CNN1: variants seen among roughly 807,000 people sequenced by gnomAD.
The protein encoded by CNN1 is calponin-1.
CNN1 carries 21 observed loss-of-function variants against 35.3 expected under a neutral mutation model. The ratio of observed to expected loss-of-function variants is 0.60; its 90% CI spans 0.42 to 0.86. The LOEUF is 0.86. Ranked by LOEUF, CNN1 falls within the 40% of genes least tolerant of loss-of-function variation. The pLI, the probability that CNN1 is intolerant of heterozygous loss-of-function variation, is 0.00. For synonymous variants in CNN1, 164 were observed against 161.8 expected, an observed-to-expected ratio of 1.01 and a Z score of -0.10; for missense variants, 314 against 400.8, an observed-to-expected ratio of 0.78 and a Z score of 1.85.
chr19:11,539,642 T>G (rs13347094), intron 1 of CNN1: 81,954 of 714,206 alleles, frequency 0.11, 13,600 homozygotes, highest in African/African-American at 0.64. Context: ...TGGAGAACTT[T>G]AAGTTTCCAG....
At position 11,541,167 on chromosome 19, in the gene CNN1, A is replaced by G. The variant is rs1355161127; in HGVS notation, c.155A>G (p.Asp52Gly). The G allele has an allele frequency of 3.7e-5, 60 of 1,600,812 alleles. No homozygotes were observed. Among genetic ancestry groups the G allele is most frequent in the Non-Finnish European group, 5.1e-5 (60 of 1,173,118 alleles). The change falls in exon 2 of 7, where the codon GAC (aspartate) becomes GGC (glycine). Residue 52 changes from aspartate (D) to glycine (G), a missense_variant. Physicochemically the swap from Asp to Gly is moderately conservative, Grantham distance 94 (BLOSUM62 -1). Transcript: ENST00000252456. ...CGTCGCATCGGCAACAACTTCATGGACGGCCTCAAAGATGGCATCATTCTT... is the reference window on the plus strand; with the variant it reads ...CGTCGCATCGGCAACAACTTCATGGGCGGCCTCAAAGATGGCATCATTCTT... ...TGRRIGNNFM[D>G]GLKDGIILCE...
At position 11,538,963 on chromosome 19, in the gene CNN1, C is replaced by A; in HGVS notation, c.36C>A (p.Tyr12Ter). The A allele has an allele frequency of 6.3e-7, 1 of 1,595,116 alleles. No homozygotes were observed. Among genetic ancestry groups the A allele is most frequent in the Non-Finnish European group, 8.6e-7 (1 of 1,169,284 alleles). ...CTCACTTCAACCGAGGCCCTGCCTA[C>A]GGGCTGTCAGCCGAGGTTAAGAACA... ...SSAHFNRGPA[Y>*]GLSAEVKNKL... Residue 12 changes from tyrosine (Y) to a stop codon, truncating the protein, a stop_gained, in exon 1 of 7, where the codon TAC becomes TAA. Transcript: ENST00000252456. LOFTEE classifies it high-confidence loss of function.
At chr19:11,539,495 C>T in intron 1 of CNN1, 1 of 1,130,228 alleles carries the variant, frequency 8.8e-7, no homozygotes, top group Non-Finnish European at 1.1e-6. Flanking sequence ...TACCTGGACA[C>T]CACCTTCATG....
rs770410752 is a variant in CNN1 at position 11,549,588 on chromosome 19, C to T, written c.687C>T (p.Phe229=). ...MTAPGTKRQI[F]EPGLGMEHCD... ...CGCCAGGGACCAAGCGGCAGATCTT[C>T]GAGCCGGGGCTGGGCATGGAGCACT... Residue 229 remains phenylalanine (F), a synonymous_variant, in exon 7 of 7, where the codon TTC becomes TTT. Coordinates refer to ENST00000252456, the MANE Select transcript of CNN1 (RefSeq NM_001299.6). The surrounding 1 kb of genome is among the most constrained non-coding windows in gnomAD (Gnocchi z 5.2). The T allele has an allele frequency of 3.2e-5, 51 of 1,602,884 alleles. No homozygotes were observed. Among genetic ancestry groups the T allele is most frequent in the Non-Finnish European group, 2.0e-5 (23 of 1,171,862 alleles).
chr19:11,539,843 G>C, intron 1 of CNN1: 1 of 1,177,512 alleles, frequency 8.5e-7, no homozygotes, highest in Non-Finnish European at 1.1e-6. Context: ...CCTCGGGCGA[G>C]AGACAGATCC....
chr19:11,540,042 A>G, intron 1 of CNN1: 2 of 1,023,924 alleles, frequency 2.0e-6, no homozygotes, highest in Non-Finnish European at 2.4e-6. Context: ...CGCCCCTCCC[A>G]CCTCCCCCCA....
intron 2 of CNN1, among the ~76,000 whole-genome samples, chr19:11,542,393 A>T (rs1175302901): frequency 6.6e-6 from 1 of 150,560 alleles, no homozygotes; most frequent in African/African-American, 2.4e-5. Flanking sequence ...GGATTTTGCC[A>T]TGTTGGCCTG....
chr19:11,542,795 C>T (rs1442450683), intron 2 of CNN1, among the ~76,000 whole-genome samples: 3 of 151,970 alleles, frequency 2.0e-5, no homozygotes, highest in Non-Finnish European at 2.9e-5. Flanking sequence ...AGGCTGGTCT[C>T]GAACCCCTGA....
intron 1 of CNN1, 144 bp downstream of exon 1, chr19:11,539,134 TG>T: frequency 9.4e-7 from 1 of 1,068,832 alleles, no homozygotes; most frequent in Non-Finnish European, 1.3e-6. Context: ...GGATAGGGGC[TG>T]CCTGTCTCCC....
In CNN1 at chr19:11,549,624, C is replaced by T; in HGVS notation, c.723C>T (p.Leu241=). The change falls in exon 7 of 7, where the codon CTC becomes CTT. Residue 241 remains leucine, a synonymous_variant. Transcript: ENST00000252456. This position sits in a 1 kb window ranked among gnomAD's most constrained non-coding sequence, Gnocchi z 5.2. ...TGGGCATGGAGCACTGCGACACGCT[C>T]AATGTCAGCCTGCAGATGGGCAGCA... ...PGLGMEHCDT[L]NVSLQMGSNK... The T allele has an allele frequency of 6.2e-7, 1 of 1,613,042 alleles. No homozygotes were observed. Among genetic ancestry groups the T allele is most frequent in the Non-Finnish European group, 8.5e-7 (1 of 1,179,316 alleles).
chr19:11,541,901 T>G (rs931091357), intron 2 of CNN1: 3 of 103,096 alleles, frequency 2.9e-5, no homozygotes, highest in South Asian at 2.9e-4. Flanking sequence ...TTAATTTTTG[T>G]TTTTTTTTTT....
chr19:11,549,796 G>A lies in CNN1; in HGVS notation c.*1G>A, dbSNP rs1433572316. 1.6e-5 allele frequency: 26 copies of A among 1,595,866 alleles called. No homozygotes were observed. Among genetic ancestry groups the A allele is most frequent in the Non-Finnish European group, 2.1e-5 (25 of 1,167,272 alleles). On this transcript the variant is annotated 3_prime_UTR_variant, in exon 7 of 7. Transcript: ENST00000252456. This position sits in a 1 kb window ranked among gnomAD's most constrained non-coding sequence, Gnocchi z 5.2. ...ACACAACTACTACAATTCCGCCTAG[G>A]GCCACAAGGCCTTCCCTGTTTTCCC...
intron 1 of CNN1, chr19:11,539,656 A>G: frequency 1.5e-6 from 1 of 680,118 alleles, no homozygotes; most frequent in Non-Finnish European, 2.3e-6. Context: ...TTTCCAGCCC[A>G]CTGGAATCGC....
In CNN1 at chr19:11,545,983, AAAAG is replaced by A. The variant is rs1280208652; in HGVS notation, c.186-688_186-685del. Reference sequence around the variant, plus strand: ...CCTGCATCAAAAAGAAAAAAAAAAGAAAAGAAAAGAAAAAAGAGGCGAGATCATT... The same window carrying A: ...CCTGCATCAAAAAGAAAAAAAAAAGAAAAAGAAAAAAGAGGCGAGATCATT... On this transcript the variant is annotated intron_variant, in intron 2 of 6. Coordinates refer to ENST00000252456, the MANE Select transcript of CNN1 (RefSeq NM_001299.6). 2.0e-5 allele frequency among the ~76,000 whole-genome samples: 3 copies of A among 152,052 alleles called. No homozygotes were observed. In the East Asian group the frequency reaches 5.8e-4, roughly 29 times the overall value.
chr19:11,539,366 T>C, intron 1 of CNN1: 1 of 1,075,500 alleles, frequency 9.3e-7, no homozygotes, highest in Non-Finnish European at 1.1e-6. Context: ...AGTGCTGGGG[T>C]ACCTGGGAAG....
At position 11,539,529 on chromosome 19, in the gene CNN1, C is replaced by T. The variant is rs888080480; in HGVS notation, c.63+539C>T. ...TGCTATGGTTGGGTAAACTGAGGTT[C>T]GGAGAGGAGAGGCAAATAGCTGGGG... On this transcript the variant is annotated intron_variant, in intron 1 of 6. Transcript: ENST00000252456. The T allele has an allele frequency of 2.6e-4, 293 of 1,134,578 alleles. 3 individuals carry two copies. Among genetic ancestry groups the T allele is most frequent in the Middle Eastern group, 3.2e-4 (1 of 3,152 alleles). 70.3% of individuals were successfully genotyped at this position (1,134,578 alleles called of 1,614,324 possible). A position where few individuals can be genotyped will look rare whatever the true frequency, so the allele number is the denominator to read the frequency against.
chr19:11,547,874 G>A lies in CNN1; in HGVS notation c.468G>A (p.Lys156=). 6.2e-7 allele frequency: 1 copy of A among 1,614,080 alleles called. No individual in the cohort carries two copies. The highest frequency in any genetic ancestry group is 8.5e-7 in the Non-Finnish European group (1 of 1,179,972). ...AGGAGCGGAAATTCGAGCCGGGGAAGCTAAGAGAAGGGCGGAACATCATTG... is the reference window on the plus strand; with the variant it reads ...AGGAGCGGAAATTCGAGCCGGGGAAACTAAGAGAAGGGCGGAACATCATTG... ...EKQERKFEPG[K]LREGRNIIGL... Residue 156 remains lysine, a synonymous_variant, in exon 5 of 7, where the codon AAG becomes AAA. Coordinates refer to ENST00000252456, the MANE Select transcript of CNN1 (RefSeq NM_001299.6).
intron 2 of CNN1, 85 bp downstream of exon 2, chr19:11,541,282 G>T: frequency 1.4e-6 from 2 of 1,442,708 alleles, no homozygotes; most frequent in Non-Finnish European, 1.8e-6. Flanking sequence ...CATGATCCTG[G>T]AACTGAGTTG....
intron 4 of CNN1, among the ~76,000 whole-genome samples, chr19:11,547,291 G>A (rs1972610678): frequency 6.6e-6 from 1 of 152,058 alleles, no homozygotes; most frequent in Non-Finnish European, 1.5e-5. Flanking sequence ...CAGCTACTCA[G>A]GAGGCTGAGG....
Sources: gnomAD v4.1 joint callset for allele counts (sites outside exome capture counted in the v4.1 genomes callset) on GRCh38, gnomAD v4.1.1 for gene constraint, Gnocchi (gnomAD v3.1) non-coding constraint, MANE v1.5 for transcripts, NCBI Gene and HGNC (gene_info 2026-07-23, HGNC 2026-07-21) for gene names.